FNDC3B: variants seen among roughly 807,000 people sequenced by gnomAD.
The protein encoded by FNDC3B is fibronectin type III domain-containing protein 3B.
A neutral mutation model predicts 151.5 loss-of-function variants in FNDC3B; 12 were observed. That is an observed-to-expected ratio of 0.08 (90% confidence interval 0.05 to 0.13). The LOEUF (loss-of-function observed/expected upper bound fraction) is 0.13. Among genes scored for constraint, FNDC3B ranks in the 10% least tolerant of loss-of-function variants. The probability of loss-of-function intolerance (pLI) is 1.00; values close to 1 mark genes in which losing one functional copy is unlikely to be tolerated. For missense variants in FNDC3B, 1,214 were observed against 1,505.3 expected (o/e 0.81, Z 3.20); for synonymous variants, 528 against 549.0 (o/e 0.96, Z 0.54).
chr3:172,342,689 GGGTCTTTCTAATTTT>G (rs1183833595), intron 17 of FNDC3B, among the ~76,000 whole-genome samples: 1 of 152,102 alleles, frequency 6.6e-6, no homozygotes, highest in African/African-American at 2.4e-5. Flanking sequence ...TCCTCATGAA[GGGTCTTTCTAATTTT>G]GATTTGAAGG....
At position 172,251,491 on chromosome 3, in the gene FNDC3B, C is replaced by T. The variant is rs141090745; in HGVS notation, c.740C>T (p.Thr247Ile). 6.2e-7 allele frequency: 1 copy of T among 1,614,058 alleles called. No homozygotes were observed. The highest frequency in any genetic ancestry group is 8.5e-7 in the Non-Finnish European group (1 of 1,179,984). ...GGTAGTGGTCCCGGAATTAAGAAAA[C>T]AGAGCGACGAGCAAGAAGCAGCCCA... is the stretch of plus-strand genomic sequence containing the variant. The part of the protein sequence containing the change: ...GSGSGPGIKK[T>I]ERRARSSPKS... Residue 247 changes from threonine (T) to isoleucine (I), a missense_variant, in exon 6 of 26, where the codon ACA becomes ATA. Physicochemically the swap from Thr to Ile is moderately conservative, Grantham distance 89 (BLOSUM62 -1). Coordinates refer to ENST00000415807, the MANE Select transcript of FNDC3B (RefSeq NM_022763.4).
chr3:172,157,914 G>A (rs540907048), intron 3 of FNDC3B, among the ~76,000 whole-genome samples: 2 of 152,306 alleles, frequency 1.3e-5, no homozygotes, highest in East Asian at 1.9e-4. Context: ...ATGGTATTAA[G>A]AGGTGGGGCC....
intron 3 of FNDC3B, among the ~76,000 whole-genome samples, chr3:172,196,675 G>T (rs186830187): frequency 6.6e-6 from 1 of 152,142 alleles, no homozygotes; most frequent in East Asian, 1.9e-4. Flanking sequence ...CCTTCTGATT[G>T]TATCCTGAAT....
chr3:172,110,182 G>A (rs1719887365), intron 1 of FNDC3B, among the ~76,000 whole-genome samples: 1 of 152,084 alleles, frequency 6.6e-6, no homozygotes. Context: ...GACATTCTTC[G>A]GTACTAGAGA....
At chr3:172,069,494 TCTGGGA>T (rs1411483390) in intron 1 of FNDC3B, among the ~76,000 whole-genome samples, 1 of 152,204 alleles carries the variant, frequency 6.6e-6, no homozygotes, top group East Asian at 1.9e-4. Context: ...AATTTTAAGT[TCTGGGA>T]TACATGTACA....
intron 3 of FNDC3B, among the ~76,000 whole-genome samples, chr3:172,204,455 A>G (rs1001053084): frequency 3.9e-5 from 6 of 152,194 alleles, no homozygotes; most frequent in Non-Finnish European, 7.3e-5. Flanking sequence ...TTTCCAACTC[A>G]TGGTCCATTT....
chr3:172,064,728 C>T (rs539146817), intron 1 of FNDC3B, among the ~76,000 whole-genome samples: 5 of 152,294 alleles, frequency 3.3e-5, no homozygotes, highest in South Asian at 2.1e-4. Context: ...TCAAATGGCT[C>T]TTATTATCAG....
intron 21 of FNDC3B, among the ~76,000 whole-genome samples, chr3:172,351,399 G>A (rs924400517): frequency 6.6e-6 from 1 of 152,320 alleles, no homozygotes; most frequent in East Asian, 1.9e-4. Flanking sequence ...GGAAGACAGT[G>A]TAGCTGGAGC....
At chr3:172,064,696 T>G (rs1717399219) in intron 1 of FNDC3B, among the ~76,000 whole-genome samples, 1 of 152,244 alleles carries the variant, frequency 6.6e-6, no homozygotes, top group Non-Finnish European at 1.5e-5. Flanking sequence ...GGGAAGATTA[T>G]CAAATTTTAG....
intron 3 of FNDC3B, among the ~76,000 whole-genome samples, chr3:172,133,932 T>TA (rs1178783307): frequency 6.6e-6 from 1 of 152,110 alleles, no homozygotes; most frequent in Non-Finnish European, 1.5e-5. Flanking sequence ...TCAGAGCCAA[T>TA]AACTAGAGGG....
At chr3:172,180,278 C>T (rs1185651562) in intron 3 of FNDC3B, among the ~76,000 whole-genome samples, 1 of 152,116 alleles carries the variant, frequency 6.6e-6, no homozygotes, top group Non-Finnish European at 1.5e-5. Flanking sequence ...ATCCTGGGCC[C>T]CTTGCAGACC....
chr3:172,384,288 T>A (rs1454334766), intron 25 of FNDC3B, among the ~76,000 whole-genome samples: 1 of 152,218 alleles, frequency 6.6e-6, no homozygotes, highest in Non-Finnish European at 1.5e-5. Context: ...TTTCCATCAT[T>A]CCTCTTAAAT....
intron 6 of FNDC3B, among the ~76,000 whole-genome samples, chr3:172,275,715 C>T (rs1729400662): frequency 6.6e-6 from 1 of 152,192 alleles, no homozygotes; most frequent in Admixed American, 6.5e-5. Context: ...CCTGCTGGCC[C>T]AATCTTAACT....
chr3:172,161,989 T>G (rs367997635), intron 3 of FNDC3B, among the ~76,000 whole-genome samples: 41 of 147,160 alleles, frequency 2.8e-4, no homozygotes, highest in Middle Eastern at 7.0e-3. Flanking sequence ...TTTTTTTTTT[T>G]GGGGGGGGAC....
chr3:172,301,450 C>T (rs952304637), intron 9 of FNDC3B, among the ~76,000 whole-genome samples: 9 of 151,982 alleles, frequency 5.9e-5, no homozygotes, highest in East Asian at 5.8e-4. Flanking sequence ...GTAGAGTGGC[C>T]GCAAATATTT....
At chr3:172,327,448 T>C (rs777552206) in intron 11 of FNDC3B, among the ~76,000 whole-genome samples, 142 of 152,160 alleles carry the variant, frequency 9.3e-4, no homozygotes, top group Non-Finnish European at 1.5e-3. Flanking sequence ...TCGCCCACAC[T>C]GGAGTGCAGT....
intron 4 of FNDC3B, among the ~76,000 whole-genome samples, chr3:172,244,780 A>AC (rs1727693678): frequency 6.6e-6 from 1 of 151,860 alleles, no homozygotes; most frequent in Admixed American, 6.6e-5. Flanking sequence ...CCACGCTGCC[A>AC]CACCCTGCTA....
chr3:172,282,016 T>A (rs1457828144), intron 6 of FNDC3B, among the ~76,000 whole-genome samples: 1 of 151,704 alleles, frequency 6.6e-6, no homozygotes, highest in Admixed American at 6.6e-5. Context: ...ATGGAAAGAG[T>A]GGTCATTCAG....
At chr3:172,297,678 G>A (rs1412448798) in intron 8 of FNDC3B, among the ~76,000 whole-genome samples, 6 of 152,040 alleles carry the variant, frequency 3.9e-5, no homozygotes, top group Admixed American at 3.3e-4. Flanking sequence ...GTTTCACCGT[G>A]TTAGCCAGGA....
Sources: allele counts gnomAD v4.1 joint callset (sites outside exome capture counted in the v4.1 genomes callset), GRCh38; gene constraint gnomAD v4.1.1; transcripts MANE v1.5; gene names NCBI Gene and HGNC (gene_info 2026-07-23, HGNC 2026-07-21).